Variants in ABLIM3 observed in about 807,000 individuals in gnomAD.
ABLIM3 encodes the protein actin binding LIM protein family member 3, also known as actin-binding LIM protein 3.
In ABLIM3, 61 loss-of-function variants were observed where a neutral mutation model predicts 109.5. The ratio of observed to expected loss-of-function variants is 0.56; its 90% CI spans 0.45 to 0.69. ABLIM3 has a LOEUF of 0.69. Among genes scored for constraint, ABLIM3 ranks in the 30% least tolerant of loss-of-function variants. ABLIM3 has a pLI of 0.00. For synonymous variants in ABLIM3, 300 were observed against 324.8 expected (o/e 0.92, Z 0.82); for missense variants, 796 against 889.5 (o/e 0.89, Z 1.34).
intron 2 of ABLIM3, among the ~76,000 whole-genome samples, chr5:149,169,638 C>G (rs1308122750): frequency 1.3e-5 from 2 of 152,118 alleles, no homozygotes; most frequent in Non-Finnish European, 2.9e-5. Context: ...AAAATTGGTT[C>G]CTCCAGTAAA....
intron 7 of ABLIM3, 118 bp downstream of exon 7, chr5:149,210,937 C>A: frequency 1.1e-6 from 1 of 910,528 alleles, no homozygotes; most frequent in South Asian, 1.4e-5. Flanking sequence ...TTACCTCCTC[C>A]ACCTTTGCTT....
chr5:149,147,723 G>A (rs147947723), intron 2 of ABLIM3, among the ~76,000 whole-genome samples: 2,329 of 152,264 alleles, frequency 0.015, 33 homozygotes, highest in Non-Finnish European at 0.022. Flanking sequence ...GCAGGCCCTG[G>A]AATCAGACTG....
chr5:149,224,910 G>A (rs10056150), intron 8 of ABLIM3, among the ~76,000 whole-genome samples: 2,340 of 152,282 alleles, frequency 0.015, 62 homozygotes, highest in African/African-American at 0.054. Flanking sequence ...AGCCAGGATT[G>A]GAACCCCTTA....
In ABLIM3 at chr5:149,147,733, G is replaced by C. The variant is rs1285254492; in HGVS notation, c.13+5625G>C. 2.0e-5 allele frequency among the ~76,000 whole-genome samples: 3 copies of C among 152,158 alleles called. No homozygotes were observed. In the South Asian group the frequency reaches 6.2e-4, roughly 32 times the overall value. ...AGAGTGCAGGCCCTGGAATCAGACT[G>C]TTCCAGGTTCCAGTTCTCATTTTTT... On this transcript the variant is annotated intron_variant, in intron 2 of 23. Transcript: ENST00000309868.
At chr5:149,213,093 A>G (rs1399105560) in intron 7 of ABLIM3, among the ~76,000 whole-genome samples, 2 of 152,100 alleles carry the variant, frequency 1.3e-5, no homozygotes, top group African/African-American at 4.8e-5. Flanking sequence ...CGCCTGGACA[A>G]CAGAGCAAGA....
At chr5:149,242,084 G>T (rs1184375000) in intron 14 of ABLIM3, among the ~76,000 whole-genome samples, 1 of 152,158 alleles carries the variant, frequency 6.6e-6, no homozygotes, top group South Asian at 2.1e-4. Flanking sequence ...TTGAGGGAGG[G>T]GGAGGGAGGT....
Position 149,250,526 on chromosome 5 carries a change from A to T in ABLIM3, c.1788+21A>T, listed in dbSNP as rs565544925. The T allele has an allele frequency of 9.9e-6, 16 of 1,614,016 alleles. No individual in the cohort carries two copies. The East Asian group carries it at 3.6e-4, about 36-fold the overall frequency. On this transcript the variant is annotated intron_variant, in intron 20 of 23. Coordinates refer to ENST00000309868, the MANE Select transcript of ABLIM3 (RefSeq NM_014945.5). ...ACAGGGTAAGAAGCTGTGCTGGAGGATGGGGGAGGACGTTGTCCCCAAAAT... is the reference window on the plus strand; with the variant it reads ...ACAGGGTAAGAAGCTGTGCTGGAGGTTGGGGGAGGACGTTGTCCCCAAAAT...
chr5:149,161,912 A>ATG (rs144701169), intron 2 of ABLIM3, among the ~76,000 whole-genome samples: 5 of 150,678 alleles, frequency 3.3e-5, no homozygotes, highest in South Asian at 2.1e-4. Flanking sequence ...GTGTATGTGT[A>ATG]TGTGTGTGTG....
chr5:149,244,772 A>G lies in ABLIM3; in HGVS notation c.1352-109A>G, dbSNP rs113093670. ...GTTCTAACAGAGAGCCCTGATCTTG[A>G]AGTGGACTCACTCCCCTGGGCTGGA... On this transcript the variant is annotated intron_variant, in intron 15 of 23. Coordinates refer to ENST00000309868, the MANE Select transcript of ABLIM3 (RefSeq NM_014945.5). The G allele has an allele frequency of 3.2e-5, 45 of 1,391,138 alleles. No homozygotes were observed. The African/African-American group carries it at 4.5e-4, about 14-fold the overall frequency. 86.2% of individuals were successfully genotyped at this position (1,391,138 alleles called of 1,614,324 possible).
chr5:149,211,857 T>C (rs1185599718), intron 7 of ABLIM3, among the ~76,000 whole-genome samples: 1 of 151,892 alleles, frequency 6.6e-6, no homozygotes, highest in Non-Finnish European at 1.5e-5. Flanking sequence ...GCTTGACCCA[T>C]TCAAAGAACA....
At chr5:149,167,567 G>A (rs1268054548) in intron 2 of ABLIM3, among the ~76,000 whole-genome samples, 1 of 152,126 alleles carries the variant, frequency 6.6e-6, no homozygotes, top group Admixed American at 6.6e-5. Context: ...ACAGACAAGA[G>A]CTATACTAAT....
chr5:149,250,596 A>G, intron 20 of ABLIM3, 91 bp downstream of exon 20: 1 of 1,472,584 alleles, frequency 6.8e-7, no homozygotes, highest in South Asian at 1.2e-5. Context: ...AAACCTGAGC[A>G]AAGGTCCTGG....
At chr5:149,230,798 A>G in intron 9 of ABLIM3, 91 bp downstream of exon 9, 1 of 1,446,416 alleles carries the variant, frequency 6.9e-7, no homozygotes, top group Non-Finnish European at 9.7e-7. Flanking sequence ...CAGGGTCAGC[A>G]TTCCTTAGTG....
chr5:149,205,796 C>T (rs1041817966), intron 5 of ABLIM3, among the ~76,000 whole-genome samples: 11 of 152,232 alleles, frequency 7.2e-5, no homozygotes, highest in African/African-American at 2.4e-4. Context: ...AGGCACGCAA[C>T]AGCCAAGAGG....
intron 2 of ABLIM3, among the ~76,000 whole-genome samples, chr5:149,178,391 A>G (rs980276825): frequency 6.6e-6 from 1 of 152,188 alleles, no homozygotes; most frequent in Non-Finnish European, 1.5e-5. Context: ...TTGCTGAACC[A>G]GTGGATTCTC....
intron 3 of ABLIM3, among the ~76,000 whole-genome samples, chr5:149,187,422 A>C (rs1303773438): frequency 6.6e-6 from 1 of 152,236 alleles, no homozygotes; most frequent in Non-Finnish European, 1.5e-5. Context: ...AGAAAACAGC[A>C]GAAGAATATA....
chr5:149,157,845 A>C (rs1333388674), intron 2 of ABLIM3, among the ~76,000 whole-genome samples: 2 of 152,050 alleles, frequency 1.3e-5, no homozygotes, highest in Non-Finnish European at 2.9e-5. Flanking sequence ...CAGACCCCAG[A>C]CTTCCCAGTT....
At chr5:149,245,307 C>A (rs1753239774) in intron 16 of ABLIM3, among the ~76,000 whole-genome samples, 1 of 152,184 alleles carries the variant, frequency 6.6e-6, no homozygotes, top group Non-Finnish European at 1.5e-5. Context: ...ATGGCAGGGG[C>A]CTGCTGTCCA....
At chr5:149,169,368 A>C (rs1018157766) in intron 2 of ABLIM3, among the ~76,000 whole-genome samples, 1 of 151,780 alleles carries the variant, frequency 6.6e-6, no homozygotes, top group Non-Finnish European at 1.5e-5. Flanking sequence ...TCTATCATGG[A>C]CTCCAGGGCT....
Sources: gnomAD v4.1 joint callset for allele counts (sites outside exome capture counted in the v4.1 genomes callset) on GRCh38, gnomAD v4.1.1 for gene constraint, MANE v1.5 for transcripts, NCBI Gene and HGNC (gene_info 2026-07-23, HGNC 2026-07-21) for gene names.